MARCHF4: variants seen among roughly 807,000 people sequenced by gnomAD.
The protein encoded by MARCHF4 is E3 ubiquitin-protein ligase MARCHF4.
MARCHF4 carries 14 observed loss-of-function variants against 43.9 expected under a neutral mutation model. That is an observed-to-expected ratio of 0.32 (90% CI 0.21 to 0.50). MARCHF4 has a LOEUF of 0.50. Ranked by LOEUF, MARCHF4 falls within the 20% of genes least tolerant of loss-of-function variation. The pLI is 0.98. For synonymous variants in MARCHF4, 226 were observed against 213.3 expected, an observed-to-expected ratio of 1.06 and a Z score of -0.52; for missense variants, 468 against 536.7, an observed-to-expected ratio of 0.87 and a Z score of 1.27.
chr2:216,369,601 C>T (rs1692720150), intron 1 of MARCHF4, 144 bp downstream of exon 1: 3 of 649,462 alleles, frequency 4.6e-6, no homozygotes, highest in South Asian at 6.2e-5. Context: ...CAAACTTAAC[C>T]ACAAGAAACA....
chr2:216,316,492 G>A (rs1012192360), intron 1 of MARCHF4, among the ~76,000 whole-genome samples: 1 of 152,132 alleles, frequency 6.6e-6, no homozygotes, highest in Non-Finnish European at 1.5e-5. Flanking sequence ...ACGGGGTATT[G>A]CATAGTGGAA....
intron 1 of MARCHF4, among the ~76,000 whole-genome samples, chr2:216,316,660 A>G (rs1044998296): frequency 1.3e-5 from 2 of 152,140 alleles, no homozygotes; most frequent in Non-Finnish European, 2.9e-5. Context: ...AGGAACTAAG[A>G]GTAGTGTCAA....
At chr2:216,336,675 C>T (rs73988370) in intron 1 of MARCHF4, among the ~76,000 whole-genome samples, 17 of 140,236 alleles carry the variant, frequency 1.2e-4, no homozygotes, top group Admixed American at 1.2e-3. Flanking sequence ...GGCTTTAGAT[C>T]GATTCAGTGT....
chr2:216,331,931 C>T (rs1012863733), intron 1 of MARCHF4, among the ~76,000 whole-genome samples: 20 of 151,962 alleles, frequency 1.3e-4, no homozygotes, highest in African/African-American at 3.9e-4. Context: ...GCACACATCA[C>T]GATTTCTATT....
intron 1 of MARCHF4, among the ~76,000 whole-genome samples, chr2:216,348,271 A>G (rs919221151): frequency 1.4e-4 from 21 of 152,196 alleles, no homozygotes; most frequent in Non-Finnish European, 2.9e-4. Context: ...TCCTGACATC[A>G]GGTGATCCAC....
At chr2:216,307,463 G>A (rs975802976) in intron 1 of MARCHF4, among the ~76,000 whole-genome samples, 5 of 152,134 alleles carry the variant, frequency 3.3e-5, no homozygotes, top group African/African-American at 1.2e-4. Flanking sequence ...GAAGGAAGTA[G>A]GAAGAAAAGA....
intron 1 of MARCHF4, among the ~76,000 whole-genome samples, chr2:216,350,556 G>A (rs1692391470): frequency 6.6e-6 from 1 of 151,908 alleles, no homozygotes; most frequent in Non-Finnish European, 1.5e-5. Flanking sequence ...ACCACACTGT[G>A]CCACACCACC....
chr2:216,311,870 T>C (rs769677542), intron 1 of MARCHF4, among the ~76,000 whole-genome samples: 2 of 152,196 alleles, frequency 1.3e-5, no homozygotes, highest in Non-Finnish European at 2.9e-5. Context: ...ATAATTTTTA[T>C]ATTGTAATCA....
intron 3 of MARCHF4, among the ~76,000 whole-genome samples, chr2:216,272,338 A>T (rs1329627293): frequency 5.3e-5 from 8 of 152,132 alleles, no homozygotes; most frequent in Admixed American, 5.2e-4. Flanking sequence ...CAAAAAGGAG[A>T]TGCAACAATG....
At chr2:216,365,942 C>T (rs191151167) in intron 1 of MARCHF4, among the ~76,000 whole-genome samples, 9 of 152,284 alleles carry the variant, frequency 5.9e-5, no homozygotes, top group African/African-American at 1.4e-4. Flanking sequence ...ATGATGGAAA[C>T]GGACAAGCTC....
chr2:216,258,953 C>T lies in MARCHF4; in HGVS notation c.*359G>A, dbSNP rs528929677. The T allele has an allele frequency of 2.5e-4, 45 of 180,986 alleles. No homozygotes were observed. The highest frequency in any genetic ancestry group is 3.8e-4 in the Non-Finnish European group (32 of 85,310). The allele number at this position is 180,986 out of a possible 1,614,324, so 11.2% of individuals were successfully genotyped here. ...TTTTCCTCTTGGCCCCCTTGGCCTC[C>T]GGCACTGCCACAGTCACACAGGCTT... On this transcript the variant is annotated 3_prime_UTR_variant, in exon 4 of 4. Transcript: ENST00000273067.
intron 1 of MARCHF4, among the ~76,000 whole-genome samples, chr2:216,353,305 C>T (rs1025354831): frequency 3.9e-5 from 6 of 152,186 alleles, no homozygotes; most frequent in African/African-American, 9.7e-5. Flanking sequence ...TCTCTTTGAT[C>T]GCTTCCATTC....
intron 1 of MARCHF4, among the ~76,000 whole-genome samples, chr2:216,329,673 A>T (rs2105968912): frequency 6.6e-6 from 1 of 151,844 alleles, no homozygotes; most frequent in Middle Eastern, 3.4e-3. Flanking sequence ...TATAAACCTA[A>T]CTATATCAGT....
At chr2:216,268,123 G>T (rs1355957660) in intron 3 of MARCHF4, among the ~76,000 whole-genome samples, 1 of 152,188 alleles carries the variant, frequency 6.6e-6, no homozygotes, top group Admixed American at 6.5e-5. Flanking sequence ...ATATTGCTGG[G>T]GATGCCCCAC....
intron 1 of MARCHF4, among the ~76,000 whole-genome samples, chr2:216,308,827 T>C (rs1179702787): frequency 1.3e-5 from 2 of 152,194 alleles, no homozygotes; most frequent in Non-Finnish European, 2.9e-5. Context: ...CAGGGTCTGA[T>C]CCTGGTTTGA....
intron 1 of MARCHF4, among the ~76,000 whole-genome samples, chr2:216,356,589 T>C (rs1480844930): frequency 6.6e-6 from 1 of 152,158 alleles, no homozygotes; most frequent in African/African-American, 2.4e-5. Context: ...CTAATACAGG[T>C]TTTTCTAATC....
chr2:216,301,880 T>C (rs1374861746), intron 1 of MARCHF4, among the ~76,000 whole-genome samples: 1 of 152,188 alleles, frequency 6.6e-6, no homozygotes, highest in African/African-American at 2.4e-5. Context: ...AATAATGAGA[T>C]GTAAAGAGCT....
At chr2:216,367,286 C>T (rs190084492) in intron 1 of MARCHF4, among the ~76,000 whole-genome samples, 230 of 151,798 alleles carry the variant, frequency 1.5e-3, no homozygotes, top group Non-Finnish European at 2.5e-3. Context: ...GAAATTTTAG[C>T]GTGTCTCTCT....
At chr2:216,296,499 C>G (rs62181072) in intron 1 of MARCHF4, among the ~76,000 whole-genome samples, 12,825 of 152,286 alleles carry the variant, frequency 0.084, 688 homozygotes, top group South Asian at 0.18. Context: ...ACAGCATCTC[C>G]TCTCCTTACT....
Sources: gnomAD v4.1 joint callset for allele counts (sites outside exome capture counted in the v4.1 genomes callset) on GRCh38, gnomAD v4.1.1 for gene constraint, MANE v1.5 for transcripts, NCBI Gene and HGNC (gene_info 2026-07-23, HGNC 2026-07-21) for gene names.